RCAN3: variants seen among roughly 807,000 people sequenced by gnomAD.
The protein encoded by RCAN3 is calcipressin-3.
RCAN3 carries 19 observed loss-of-function variants against 21.9 expected under a neutral mutation model. The observed-to-expected ratio is 0.87, with a 90% CI of 0.61 to 1.27. The LOEUF (loss-of-function observed/expected upper bound fraction) is 1.27. Ranked by LOEUF, RCAN3 falls within the 50% of genes most tolerant of loss-of-function variation. The probability of loss-of-function intolerance (pLI) is 0.00; values close to 1 mark genes in which losing one functional copy is unlikely to be tolerated. For missense variants in RCAN3, 240 were observed against 300.1 expected (o/e 0.80, Z 1.48); for synonymous variants, 114 against 112.3 (o/e 1.01, Z -0.09).
At chr1:24,523,260 T>A (rs1409855441) in intron 2 of RCAN3, among the ~76,000 whole-genome samples, 1 of 152,090 alleles carries the variant, frequency 6.6e-6, no homozygotes, top group African/African-American at 2.4e-5. Flanking sequence ...AGACGGGGCT[T>A]CACCATGTTG....
At chr1:24,528,139 G>A (rs903416692) in intron 2 of RCAN3, among the ~76,000 whole-genome samples, 2 of 151,750 alleles carry the variant, frequency 1.3e-5, no homozygotes, top group Non-Finnish European at 2.9e-5. Context: ...GAGAAACTGT[G>A]GCTATAGGGA....
At chr1:24,505,226 TTTTTTC>T (rs1647340936) in intron 1 of RCAN3, among the ~76,000 whole-genome samples, 1 of 46,626 alleles carries the variant, frequency 2.1e-5, no homozygotes, top group African/African-American at 1.8e-4. Context: ...TTTTTTTCTC[TTTTTTC>T]TTTTTTTTTT....
intron 3 of RCAN3, among the ~76,000 whole-genome samples, chr1:24,532,760 A>G (rs542722215): frequency 1.0e-3 from 158 of 151,026 alleles, no homozygotes; most frequent in Middle Eastern, 3.4e-3. Context: ...CATCCTGGCT[A>G]ACACAGTGCA....
chr1:24,508,077 A>C (rs921728889), intron 1 of RCAN3, among the ~76,000 whole-genome samples: 2 of 152,196 alleles, frequency 1.3e-5, no homozygotes, highest in African/African-American at 4.8e-5. Context: ...AGACTGCGCC[A>C]CTGCACCCCA....
rs746063017 is a variant in RCAN3 at position 24,535,508 on chromosome 1, C to T, written c.*231C>T. The T allele has an allele frequency of 1.2e-5, 5 of 409,572 alleles. No homozygotes were observed. Among genetic ancestry groups the T allele is most frequent in the Non-Finnish European group, 2.1e-5 (5 of 239,332 alleles). The allele number at this position is 409,572 out of a possible 1,614,324, so 25.4% of individuals were successfully genotyped here. On this transcript the variant is annotated 3_prime_UTR_variant, in exon 5 of 5. Coordinates refer to ENST00000374395, the MANE Select transcript of RCAN3 (RefSeq NM_013441.4). ...AGGGACTTTACATTAAAGGAGAAGC[C>T]CCCAAGATGTGGCCACCCTTAACCA...
intron 2 of RCAN3, among the ~76,000 whole-genome samples, chr1:24,522,668 C>T (rs560754193): frequency 6.6e-6 from 1 of 152,276 alleles, no homozygotes; most frequent in East Asian, 1.9e-4. Flanking sequence ...AAACACTCAG[C>T]GTGTGTGCCT....
chr1:24,514,357 C>A lies in RCAN3; in HGVS notation c.-16C>A. 1 of 1,603,244 alleles carries A rather than the reference C, an allele frequency of 6.2e-7. No individual in the cohort carries two copies. The highest frequency in any genetic ancestry group is 8.5e-7 in the Non-Finnish European group (1 of 1,174,626). On this transcript the variant is annotated 5_prime_UTR_variant, in exon 2 of 5. Coordinates refer to ENST00000374395, the MANE Select transcript of RCAN3 (RefSeq NM_013441.4). ...CCTAGGACTATACAGAAGGAAAAGG[C>A]CCACTTTGGGGGATAATGCTGAGGG...
In RCAN3 at chr1:24,539,104, C is replaced by T. The variant is rs763253718; in HGVS notation, c.*3827C>T. ...GATTAGAAAAACTGAGGTTATGGCACTGACTTAGGCACCCCCAGCAAGGCA... is the reference window on the plus strand; with the variant it reads ...GATTAGAAAAACTGAGGTTATGGCATTGACTTAGGCACCCCCAGCAAGGCA... On this transcript the variant is annotated 3_prime_UTR_variant, in exon 5 of 5. Transcript: ENST00000374395. The T allele has an allele frequency of 1.3e-5, 2 of 152,164 alleles. No individual in the cohort carries two copies. The highest frequency in any genetic ancestry group is 2.4e-5 in the African/African-American group (1 of 41,432). 9.4% of individuals were successfully genotyped at this position (152,164 alleles called of 1,614,324 possible).
intron 2 of RCAN3, among the ~76,000 whole-genome samples, chr1:24,522,511 G>A (rs1209409427): frequency 6.6e-6 from 1 of 152,148 alleles, no homozygotes; most frequent in East Asian, 1.9e-4. Context: ...GTTCTTACTG[G>A]CTCCCCAGCA....
intron 2 of RCAN3, among the ~76,000 whole-genome samples, chr1:24,529,497 A>C (rs1169769394): frequency 2.0e-5 from 3 of 147,624 alleles, no homozygotes; most frequent in African/African-American, 7.5e-5. Flanking sequence ...GCTGCAGTGA[A>C]CTCTGATCAC....
chr1:24,512,301 A>G (rs962954884), intron 1 of RCAN3, among the ~76,000 whole-genome samples: 3 of 151,702 alleles, frequency 2.0e-5, no homozygotes, highest in Non-Finnish European at 4.4e-5. Flanking sequence ...GTGAGCCAAG[A>G]TCGTACTACT....
intron 1 of RCAN3, among the ~76,000 whole-genome samples, chr1:24,507,967 A>G (rs912439732): frequency 6.6e-6 from 1 of 152,138 alleles, no homozygotes; most frequent in Non-Finnish European, 1.5e-5. Context: ...AGTCCCAGCT[A>G]CTCGGGAGGC....
chr1:24,511,713 G>T (rs1647901099), intron 1 of RCAN3, among the ~76,000 whole-genome samples: 1 of 152,244 alleles, frequency 6.6e-6, no homozygotes, highest in Non-Finnish European at 1.5e-5. Context: ...CAGACATGAA[G>T]TGAGCACATC....
At chr1:24,532,860 G>A (rs1290956015) in intron 3 of RCAN3, among the ~76,000 whole-genome samples, 1 of 139,162 alleles carries the variant, frequency 7.2e-6, no homozygotes, top group Non-Finnish European at 1.5e-5. Flanking sequence ...GCTGAGGCAG[G>A]AGAATGTGAA....
At chr1:24,503,435 C>T (rs1198001234) in intron 1 of RCAN3, among the ~76,000 whole-genome samples, 1 of 152,146 alleles carries the variant, frequency 6.6e-6, no homozygotes, top group Non-Finnish European at 1.5e-5. Flanking sequence ...CGATTTTCTC[C>T]CACCAAGTGT....
intron 2 of RCAN3, among the ~76,000 whole-genome samples, chr1:24,521,180 A>G (rs1446769821): frequency 2.0e-5 from 3 of 152,226 alleles, no homozygotes; most frequent in Non-Finnish European, 4.4e-5. Context: ...GATTTTCAAC[A>G]AAGGTTCCAA....
rs1650458793 is a variant in RCAN3 at position 24,541,012 on chromosome 1, A to T, written c.*5735A>T. The T allele has an allele frequency of 6.6e-6, 1 of 152,266 alleles. No individual in the cohort carries two copies. Among genetic ancestry groups the T allele is most frequent in the African/African-American group, 2.4e-5 (1 of 41,470 alleles). 9.4% of individuals were successfully genotyped at this position (152,266 alleles called of 1,614,324 possible). Reference sequence around the variant, plus strand: ...CAAGTTCTGTTTTTAAAACGAATACAAATAAAGTTAGTAACTATTTTTAAA... The same window carrying T: ...CAAGTTCTGTTTTTAAAACGAATACTAATAAAGTTAGTAACTATTTTTAAA... On this transcript the variant is annotated 3_prime_UTR_variant, in exon 5 of 5. Coordinates refer to ENST00000374395, the MANE Select transcript of RCAN3 (RefSeq NM_013441.4).
At chr1:24,514,896 G>A (rs1648174284) in intron 2 of RCAN3, among the ~76,000 whole-genome samples, 1 of 151,756 alleles carries the variant, frequency 6.6e-6, no homozygotes, top group Non-Finnish European at 1.5e-5. Flanking sequence ...TTGAACTTGG[G>A]AGGCAGAGGT....
chr1:24,505,373 G>C (rs1647363385), intron 1 of RCAN3, among the ~76,000 whole-genome samples: 1 of 151,548 alleles, frequency 6.6e-6, no homozygotes, highest in South Asian at 2.1e-4. Context: ...CTGAGTAGCT[G>C]GGACTACAGG....
Sources: allele counts gnomAD v4.1 joint callset (sites outside exome capture counted in the v4.1 genomes callset), GRCh38; gene constraint gnomAD v4.1.1; transcripts MANE v1.5; gene names NCBI Gene and HGNC (gene_info 2026-07-23, HGNC 2026-07-21).